The following B4GALT1 variants were observed in gnomAD, a reference collection of about 807,000 sequenced individuals.
B4GALT1 encodes the protein beta-1,4-galactosyltransferase 1, also known as N-acetyllactosamine synthase.
In B4GALT1, 16 loss-of-function variants were observed where a neutral mutation model predicts 34.9. The observed-to-expected ratio is 0.46, with a 90% confidence interval of 0.31 to 0.70. B4GALT1 has a LOEUF of 0.70. B4GALT1 is among the 30% of genes least tolerant of loss of function. B4GALT1 has a pLI of 0.05. For missense variants in B4GALT1, 445 were observed against 530.5 expected (o/e 0.84, Z 1.58); for synonymous variants, 221 against 218.1 (o/e 1.01, Z -0.12).
chr9:33,158,078 A>G (rs1840622563), intron 1 of B4GALT1, among the ~76,000 whole-genome samples: 2 of 152,296 alleles, frequency 1.3e-5, no homozygotes, highest in South Asian at 2.1e-4. Flanking sequence ...GTGAGCTTCA[A>G]AAGGAATTCC....
Position 33,113,526 on chromosome 9 carries a change from G to A in B4GALT1, c.1125C>T (p.Thr375=). The change falls in exon 6 of 6, where the codon ACC becomes ACT. Residue 375 remains threonine (T), a synonymous_variant. Coordinates refer to ENST00000379731, the MANE Select transcript of B4GALT1 (RefSeq NM_001497.4). The part of the protein sequence containing the change: ...TMLSDGLNSL[T]YQVLDVQRYP... Reference sequence around the variant, plus strand: ...ATCTCTGTACATCCAGCACCTGGTAGGTGAGTGAGTTCAAACCATCAGAGA... The same window carrying A: ...ATCTCTGTACATCCAGCACCTGGTAAGTGAGTGAGTTCAAACCATCAGAGA... The A allele has an allele frequency of 2.5e-6, 4 of 1,614,252 alleles. No individual in the cohort carries two copies. Among genetic ancestry groups the A allele is most frequent in the South Asian group, 2.2e-5 (2 of 91,088 alleles).
intron 2 of B4GALT1, among the ~76,000 whole-genome samples, chr9:33,127,814 G>A (rs1840135173): frequency 1.3e-5 from 2 of 152,254 alleles, no homozygotes; most frequent in African/African-American, 2.4e-5. Context: ...CACAGCATGA[G>A]CTCAACTGTG....
Position 33,116,021 on chromosome 9 carries a change from C to A in B4GALT1, c.929G>T (p.Trp310Leu). The A allele has an allele frequency of 6.2e-7, 1 of 1,612,862 alleles. No homozygotes were observed. The highest frequency in any genetic ancestry group is 1.1e-5 in the South Asian group (1 of 91,060). Residue 310 changes from tryptophan (W) to leucine (L), a missense_variant, in exon 4 of 6, where the codon TGG becomes TTG. This residue lies in a region of B4GALT1 where 7 missense variants were observed against 27.4 expected (regional missense o/e 0.26). Coordinates refer to ENST00000379731, the MANE Select transcript of B4GALT1 (RefSeq NM_001497.4). ...AAAAATGTCATCATCTTCTCCTCCC[C>A]AGCCCCAATAATTATTAGGAAATCC... ...INGFPNNYWG[W>L]GGEDDDIFNR...
chr9:33,125,377 G>A (rs1460317425), intron 2 of B4GALT1, among the ~76,000 whole-genome samples: 5 of 152,204 alleles, frequency 3.3e-5, no homozygotes, highest in African/African-American at 9.7e-5. Flanking sequence ...TGGGGAGAAG[G>A]GTTAGGTGCT....
the B4GALT1 span, among the ~76,000 whole-genome samples, chr9:33,176,918 C>T: frequency 2.0e-5 from 3 of 152,222 alleles, no homozygotes; most frequent in East Asian, 3.9e-4. Flanking sequence ...ACTAATATAA[C>T]ATTTGAGAAA....
At chr9:33,105,348 A>G (rs1331387426) in intron 2 of B4GALT1, among the ~76,000 whole-genome samples, 47 of 152,034 alleles carry the variant, frequency 3.1e-4, no homozygotes, top group Admixed American at 3.1e-3. Flanking sequence ...CATGTTGGTC[A>G]GGCTGGTCTC....
At chr9:33,139,734 G>C (rs1192309310) in intron 1 of B4GALT1, among the ~76,000 whole-genome samples, 1 of 152,254 alleles carries the variant, frequency 6.6e-6, no homozygotes, top group African/African-American at 2.4e-5. Flanking sequence ...AGGTTTCAGA[G>C]CCACTGCCTG....
At chr9:33,184,458 C>T in the B4GALT1 span, among the ~76,000 whole-genome samples, 3 of 152,142 alleles carry the variant, frequency 2.0e-5, no homozygotes, top group East Asian at 1.9e-4. Context: ...TAAGCTCTGT[C>T]GCCTGCAAGA....
chr9:33,180,689 CAG>C, the B4GALT1 span, among the ~76,000 whole-genome samples: 1 of 152,192 alleles, frequency 6.6e-6, no homozygotes, highest in Non-Finnish European at 1.5e-5. Flanking sequence ...CCTAAGAATT[CAG>C]AGTCTGCAGT....
chr9:33,122,629 G>A lies in B4GALT1; in HGVS notation c.649-2023C>T, dbSNP rs561123236. 2.3e-4 allele frequency among the ~76,000 whole-genome samples: 35 copies of A among 152,288 alleles called. No homozygotes were observed. In the East Asian group the frequency reaches 3.7e-3, roughly 16 times the overall value. ...CCACCCAGACTCAGGTGGGGAACTT[G>A]GGGAAGCAAACCACTTAGAGAAAGA... On this transcript the variant is annotated intron_variant, in intron 2 of 5. Transcript: ENST00000379731.
chr9:33,121,055 G>A (rs191815045), intron 2 of B4GALT1, among the ~76,000 whole-genome samples: 1 of 152,330 alleles, frequency 6.6e-6, no homozygotes, highest in Admixed American at 6.5e-5. Context: ...CAGGAAACTG[G>A]TGACATTAGT....
intron 1 of B4GALT1, among the ~76,000 whole-genome samples, chr9:33,146,449 T>C (rs986517860): frequency 6.6e-6 from 1 of 152,186 alleles, no homozygotes; most frequent in Admixed American, 6.5e-5. Context: ...GACTTTCACC[T>C]CCAGGCTGGG....
intron 1 of B4GALT1, among the ~76,000 whole-genome samples, chr9:33,147,608 C>G (rs1412303033): frequency 6.6e-6 from 1 of 152,120 alleles, no homozygotes; most frequent in East Asian, 1.9e-4. Flanking sequence ...AGACTGTTTA[C>G]TGAGGAGAGT....
intron 2 of B4GALT1, among the ~76,000 whole-genome samples, chr9:33,126,660 G>GTTAACCATTGTTAACATTGTTAA: frequency 1.1e-3 from 164 of 150,272 alleles, no homozygotes; most frequent in Non-Finnish European, 1.3e-3. Context: ...GTTAACCATA[G>GTTAACCATTGTTAACATTGTTAA]CAATATGGTA....
At chr9:33,124,377 G>C in intron 2 of B4GALT1, among the ~76,000 whole-genome samples, 1 of 152,214 alleles carries the variant, frequency 6.6e-6, no homozygotes, top group Non-Finnish European at 1.5e-5. Flanking sequence ...TCCCAGGAAT[G>C]CTGGCTTCTT....
At chr9:33,105,388 G>A (rs892524142) in intron 2 of B4GALT1, among the ~76,000 whole-genome samples, 9 of 151,958 alleles carry the variant, frequency 5.9e-5, no homozygotes, top group Non-Finnish European at 8.8e-5. Context: ...TGATCCTCCC[G>A]CCTCAGCCTC....
chr9:33,173,370 A>G, the B4GALT1 span, among the ~76,000 whole-genome samples: 1 of 150,446 alleles, frequency 6.6e-6, no homozygotes, highest in South Asian at 2.1e-4. Flanking sequence ...GGGCCATTGC[A>G]CTCCAGCCTG....
At chr9:33,182,327 G>T in the B4GALT1 span, among the ~76,000 whole-genome samples, 1 of 152,162 alleles carries the variant, frequency 6.6e-6, no homozygotes, top group Admixed American at 6.5e-5. Context: ...AATCCAGTAT[G>T]ACCCCATCTT....
At chr9:33,129,793 G>A (rs966956072) in intron 2 of B4GALT1, among the ~76,000 whole-genome samples, 5 of 152,152 alleles carry the variant, frequency 3.3e-5, no homozygotes, top group African/African-American at 1.2e-4. Context: ...TTAAAAGATA[G>A]CCAGAGACAC....
Sources: gnomAD v4.1 joint callset for allele counts (sites outside exome capture counted in the v4.1 genomes callset) on GRCh38, gnomAD v4.1.1 for gene constraint, gnomAD v4.1.1 regional missense constraint, MANE v1.5 for transcripts, NCBI Gene and HGNC (gene_info 2026-07-23, HGNC 2026-07-21) for gene names.